SLC15A2: variants seen among roughly 807,000 people sequenced by gnomAD.
SLC15A2 encodes the protein kidney H(+)/peptide cotransporter.
A neutral mutation model predicts 95.5 loss-of-function variants in SLC15A2; 77 were observed. The ratio of observed to expected loss-of-function variants is 0.81; its 90% CI spans 0.67 to 0.97. The LOEUF (loss-of-function observed/expected upper bound fraction) is 0.97, where lower values mean the gene tolerates loss of function less well. SLC15A2 is among the 50% of genes least tolerant of loss of function. SLC15A2 has a pLI of 0.00. For missense variants in SLC15A2, 893 were observed against 874.4 expected (o/e 1.02, Z -0.27); for synonymous variants, 306 against 306.9 (o/e 1.00, Z 0.03).
intron 11 of SLC15A2, 127 bp downstream of exon 11, chr3:121,923,393 A>C (rs1182495741): frequency 1.0e-5 from 9 of 897,324 alleles, no homozygotes; most frequent in African/African-American, 1.7e-5. Context: ...TTTAGCCTGA[A>C]GGTACCGTGT....
Position 121,942,133 on chromosome 3 carries a change from G to T in SLC15A2, c.*1126G>T, listed in dbSNP as rs925320808. Reference sequence around the variant, plus strand: ...AGTTACATTAATGCTCTAGGTTTGAGGTTCTAAAATGGAAATGTCAATAGA... The same window carrying T: ...AGTTACATTAATGCTCTAGGTTTGATGTTCTAAAATGGAAATGTCAATAGA... On this transcript the variant is annotated 3_prime_UTR_variant, in exon 22 of 22. Coordinates refer to ENST00000489711, the MANE Select transcript of SLC15A2 (RefSeq NM_021082.4). 7 of 152,132 alleles carry T rather than the reference G, an allele frequency of 4.6e-5. No individual in the cohort carries two copies. The highest frequency in any genetic ancestry group is 1.0e-4 in the Non-Finnish European group (7 of 68,026). The allele number at this position is 152,132 out of a possible 1,614,324, so 9.4% of individuals were successfully genotyped here. A position where few individuals can be genotyped will look rare whatever the true frequency, so the allele number is the denominator to read the frequency against.
At position 121,897,632 on chromosome 3, in the gene SLC15A2, C is replaced by T. The variant is rs527637198; in HGVS notation, c.335+103C>T. Reference sequence around the variant, plus strand: ...TGAGTAAGAACATACCTATGTCATGCGTGAAAAATAAGAATCTCTGTACAT... The same window carrying T: ...TGAGTAAGAACATACCTATGTCATGTGTGAAAAATAAGAATCTCTGTACAT... On this transcript the variant is annotated intron_variant, in intron 3 of 21. Coordinates refer to ENST00000489711, the MANE Select transcript of SLC15A2 (RefSeq NM_021082.4). 1.0e-3 allele frequency: 1,146 copies of T among 1,144,204 alleles called. 4 individuals are homozygous for T. The highest frequency in any genetic ancestry group is 8.6e-4 in the Admixed American group (35 of 40,530). 70.9% of individuals were successfully genotyped at this position (1,144,204 alleles called of 1,614,324 possible).
At chr3:121,901,738 A>C (rs1709524126) in intron 3 of SLC15A2, among the ~76,000 whole-genome samples, 1 of 152,064 alleles carries the variant, frequency 6.6e-6, no homozygotes, top group African/African-American at 2.4e-5. Context: ...TCTAATTTGA[A>C]CCTGTAGCCT....
At position 121,927,766 on chromosome 3, in the gene SLC15A2, G is replaced by A. The variant is rs1361148386; in HGVS notation, c.1133G>A (p.Arg378Lys). 1.9e-6 allele frequency: 3 copies of A among 1,613,296 alleles called. No homozygotes were observed. In the African/African-American group the frequency reaches 4.0e-5, roughly 22 times the overall value. ...SKCGINFSSL[R>K]KMAVGMILAC... The stretch of plus-strand genomic sequence containing the variant: ...TCTCCTTTCCACCACAGATCACTTA[G>A]GAAAATGGCTGTTGGTATGATCCTA... The change falls in exon 14 of 22, where the codon AGG becomes AAG. Residue 378 changes from arginine (R) to lysine (K), a missense_variant. Arg to Lys is a conservative substitution (Grantham distance 26, BLOSUM62 2). Transcript: ENST00000489711.
intron 3 of SLC15A2, among the ~76,000 whole-genome samples, chr3:121,898,819 G>A (rs1026801070): frequency 2.0e-5 from 3 of 152,072 alleles, no homozygotes; most frequent in Non-Finnish European, 4.4e-5. Context: ...ATTCTCTTTA[G>A]TAAACAATGG....
At chr3:121,912,549 A>G (rs1310784176) in intron 4 of SLC15A2, among the ~76,000 whole-genome samples, 1 of 152,096 alleles carries the variant, frequency 6.6e-6, no homozygotes, top group East Asian at 1.9e-4. Flanking sequence ...TTTAATAAAT[A>G]TTACTTTCTT....
intron 11 of SLC15A2, 43 bp from the exon 12 acceptor site, chr3:121,924,308 T>G (rs1710067600): frequency 6.3e-7 from 1 of 1,577,402 alleles, no homozygotes; most frequent in African/African-American, 1.4e-5. Flanking sequence ...TTTTTTTTCT[T>G]TTCTTCAGAC....
chr3:121,930,562 T>A (rs1710211402), intron 17 of SLC15A2, among the ~76,000 whole-genome samples: 1 of 152,196 alleles, frequency 6.6e-6, no homozygotes, highest in Non-Finnish European at 1.5e-5. Context: ...CCATGAATGA[T>A]CATGATAGTG....
At chr3:121,908,176 G>A (rs1054593468) in intron 3 of SLC15A2, among the ~76,000 whole-genome samples, 1 of 152,224 alleles carries the variant, frequency 6.6e-6, no homozygotes, top group Non-Finnish European at 1.5e-5. Context: ...ATGGGCATGG[G>A]ACCCACCAAG....
chr3:121,913,237 AGTT>A, intron 5 of SLC15A2, 117 bp downstream of exon 5: 1 of 721,448 alleles, frequency 1.4e-6, no homozygotes, highest in Non-Finnish European at 2.4e-6. Context: ...TTATCTGAGC[AGTT>A]GTATTCAATG....
intron 3 of SLC15A2, among the ~76,000 whole-genome samples, chr3:121,908,224 T>C (rs1269104336): frequency 6.6e-6 from 1 of 152,246 alleles, no homozygotes; most frequent in Non-Finnish European, 1.5e-5. Context: ...TTCCGTTTGC[T>C]AAGACCTTTG....
chr3:121,896,776 C>T (rs969071401), intron 2 of SLC15A2, among the ~76,000 whole-genome samples: 1 of 151,668 alleles, frequency 6.6e-6, no homozygotes, highest in Admixed American at 6.6e-5. Context: ...GTAGTCGCCA[C>T]TACTTGGGAG....
chr3:121,894,470 G>A lies in SLC15A2; in HGVS notation c.-7G>A. 1 of 1,609,580 alleles carries A rather than the reference G, an allele frequency of 6.2e-7. No homozygotes were observed. The highest frequency in any genetic ancestry group is 8.5e-7 in the Non-Finnish European group (1 of 1,176,822). On this transcript the variant is annotated 5_prime_UTR_variant, in exon 1 of 22. Transcript: ENST00000489711. Reference sequence around the variant, plus strand: ...CTTGAGGAGAGAGAGAGAGTAAGGAGCCAGCCATGAATCCTTTCCAGAAAA... The same window carrying A: ...CTTGAGGAGAGAGAGAGAGTAAGGAACCAGCCATGAATCCTTTCCAGAAAA...
chr3:121,924,342 A>T lies in SLC15A2; in HGVS notation c.1003-9A>T. 6.2e-7 allele frequency: 1 copy of T among 1,612,476 alleles called. No homozygotes were observed. The highest frequency in any genetic ancestry group is 1.7e-4 in the Middle Eastern group (1 of 6,060). ...ACATCAACTAAATTAATTTGTTAAA[A>T]TGTTTCAGGGGTTTTTTGTGCTTCA... On this transcript the variant is annotated splice_polypyrimidine_tract_variant and intron_variant, in intron 11 of 21. Transcript: ENST00000489711.
intron 6 of SLC15A2, 86 bp downstream of exon 6, chr3:121,915,403 C>G (rs1242735072): frequency 3.2e-6 from 3 of 935,202 alleles, no homozygotes; most frequent in Non-Finnish European, 5.2e-6. Context: ...TCTATCATCT[C>G]CTTTTATAAG....
intron 3 of SLC15A2, among the ~76,000 whole-genome samples, chr3:121,900,054 T>C (rs1024954499): frequency 6.6e-6 from 1 of 152,204 alleles, no homozygotes; most frequent in South Asian, 2.1e-4. Flanking sequence ...CTTCACTCTT[T>C]CCTGAGTGTA....
At chr3:121,917,001 T>A (rs142580682) in intron 7 of SLC15A2, among the ~76,000 whole-genome samples, 2 of 152,036 alleles carry the variant, frequency 1.3e-5, no homozygotes, top group Non-Finnish European at 2.9e-5. Flanking sequence ...TTTGTATTTT[T>A]AGTAGAGACA....
In SLC15A2 at chr3:121,935,203, G is replaced by A. The variant is rs1277227860; in HGVS notation, c.1761+3468G>A. On this transcript the variant is annotated intron_variant, in intron 19 of 21. Coordinates refer to ENST00000489711, the MANE Select transcript of SLC15A2 (RefSeq NM_021082.4). ...GAGGATTTTTGCATCCATGTTCATC[G>A]AGGATATTGGTCTAAAATTCTCTTT... Among the ~76,000 whole-genome samples the A allele has an allele frequency of 1.6e-4, 24 of 152,094 alleles. No individual in the cohort carries two copies. The East Asian group carries it at 2.5e-3, about 16-fold the overall frequency.
chr3:121,915,833 C>T (rs1269494527), intron 7 of SLC15A2, 140 bp downstream of exon 7: 3 of 568,398 alleles, frequency 5.3e-6, no homozygotes, highest in Non-Finnish European at 9.3e-6. Flanking sequence ...AGGGTTTCCC[C>T]TCAATTTTGG....
Sources: gnomAD v4.1 joint callset for allele counts (sites outside exome capture counted in the v4.1 genomes callset) on GRCh38, gnomAD v4.1.1 for gene constraint, MANE v1.5 for transcripts, NCBI Gene and HGNC (gene_info 2026-07-23, HGNC 2026-07-21) for gene names.